The following PCDHA6 variants were observed in gnomAD, a reference collection of about 807,000 sequenced individuals.
PCDHA6 encodes the protein protocadherin alpha-6.
A neutral mutation model predicts 60.3 loss-of-function variants in PCDHA6; 55 were observed. That is an observed-to-expected ratio of 0.91 (90% CI 0.73 to 1.14). PCDHA6 has a LOEUF of 1.14. Ranked by LOEUF, PCDHA6 falls within the 50% of genes most tolerant of loss-of-function variation. PCDHA6 has a pLI of 0.00. For synonymous variants in PCDHA6, 652 were observed against 557.9 expected, an observed-to-expected ratio of 1.17 and a Z score of -2.38; for missense variants, 1,327 against 1,256.5, an observed-to-expected ratio of 1.06 and a Z score of -0.85.
At chr5:140,905,234 C>T (rs1303215169) in intron 1 of PCDHA6, among the ~76,000 whole-genome samples, 1 of 152,144 alleles carries the variant, frequency 6.6e-6, no homozygotes, top group African/African-American at 2.4e-5. Flanking sequence ...GATGAGGATC[C>T]AGTTTCATTC....
At chr5:140,917,330 A>G (rs155802) in intron 1 of PCDHA6, among the ~76,000 whole-genome samples, 15,235 of 96,446 alleles carry the variant, frequency 0.16, 1,247 homozygotes, top group East Asian at 0.38. Context: ...GTGGCGGGGG[A>G]GGGGGGGGAT....
chr5:140,833,109 T>G (rs1772297306), intron 1 of PCDHA6, among the ~76,000 whole-genome samples: 1 of 152,208 alleles, frequency 6.6e-6, no homozygotes, highest in Non-Finnish European at 1.5e-5. Context: ...TTTGACACTC[T>G]TCAAAGTCAT....
intron 1 of PCDHA6, among the ~76,000 whole-genome samples, chr5:140,945,881 A>C (rs1334626828): frequency 6.6e-6 from 1 of 152,158 alleles, no homozygotes; most frequent in African/African-American, 2.4e-5. Flanking sequence ...AAAACTAACA[A>C]AGAAAACACA....
intron 1 of PCDHA6, chr5:140,857,129 G>A: frequency 6.3e-7 from 1 of 1,598,280 alleles, no homozygotes; most frequent in Non-Finnish European, 8.6e-7. Context: ...AGTGAAAGAA[G>A]ATGCTCAAGT....
At chr5:140,963,608 G>A (rs1308315109) in intron 1 of PCDHA6, among the ~76,000 whole-genome samples, 2 of 152,186 alleles carry the variant, frequency 1.3e-5, no homozygotes, top group African/African-American at 2.4e-5. Context: ...ACGTAATTGG[G>A]AAAGCTTAAC....
chr5:140,848,925 G>T lies in PCDHA6; in HGVS notation c.2394+18440G>T, dbSNP rs2150425144. ...GACACAAAAGAATCTGTTCATCGCGGAATCCAGGCCGCTTGACTCTCGGTT... is the reference window on the plus strand; with the variant it reads ...GACACAAAAGAATCTGTTCATCGCGTAATCCAGGCCGCTTGACTCTCGGTT... On this transcript the variant is annotated intron_variant, in intron 1 of 3. Transcript: ENST00000529310. 12 of 1,607,696 alleles carry T rather than the reference G, an allele frequency of 7.5e-6. 1 individual carries two copies. The highest frequency in any genetic ancestry group is 1.0e-5 in the Non-Finnish European group (12 of 1,176,962).
intron 3 of PCDHA6, among the ~76,000 whole-genome samples, chr5:140,996,055 C>A (rs1289526573): frequency 6.6e-6 from 1 of 152,164 alleles, no homozygotes; most frequent in Non-Finnish European, 1.5e-5. Flanking sequence ...GTGCTTGGCA[C>A]ACAGTAAAGA....
At chr5:140,928,878 G>A (rs1563110550) in intron 1 of PCDHA6, 6 of 1,614,194 alleles carry the variant, frequency 3.7e-6, no homozygotes, top group Non-Finnish European at 4.2e-6. Flanking sequence ...CTGTCCCTCA[G>A]TTACTTCCAG....
At chr5:140,993,668 A>G (rs551356894) in intron 3 of PCDHA6, among the ~76,000 whole-genome samples, 167 of 152,322 alleles carry the variant, frequency 1.1e-3, no homozygotes, top group African/African-American at 3.4e-3. Context: ...ACAATGGACC[A>G]CATATGTGAC....
chr5:140,831,992 C>T (rs2150198837), intron 1 of PCDHA6, among the ~76,000 whole-genome samples: 4 of 152,222 alleles, frequency 2.6e-5, no homozygotes, highest in African/African-American at 7.2e-5. Flanking sequence ...ATTACGGATT[C>T]CATATTGTTT....
chr5:140,828,109 G>C lies in PCDHA6; in HGVS notation c.18G>C (p.Glu6Asp). 2 of 1,611,506 alleles carry C rather than the reference G, an allele frequency of 1.2e-6. No individual in the cohort carries two copies. Among genetic ancestry groups the C allele is most frequent in the East Asian group, 4.5e-5 (2 of 44,860 alleles). Residue 6 changes from glutamate (E) to aspartate (D), a missense_variant, in exon 1 of 4, where the codon GAG becomes GAC. Physicochemically the swap from Glu to Asp is conservative, Grantham distance 45 (BLOSUM62 2). Transcript: ENST00000529310. MVFTP[E>D]DRLGKQCLLL... ...TATTTGACATGGTGTTTACCCCGGA[G>C]GATAGATTGGGAAAGCAATGTCTGC...
intron 1 of PCDHA6, among the ~76,000 whole-genome samples, chr5:140,970,367 TA>T (rs1554232416): frequency 6.6e-6 from 1 of 152,216 alleles, no homozygotes; most frequent in Non-Finnish European, 1.5e-5. Flanking sequence ...TGATTTGCTA[TA>T]GCTTCAAAAG....
At chr5:140,972,480 C>A (rs558245112) in intron 1 of PCDHA6, among the ~76,000 whole-genome samples, 2 of 151,890 alleles carry the variant, frequency 1.3e-5, no homozygotes, top group East Asian at 3.9e-4. Context: ...AGCATTTAAC[C>A]CCAGACTCTA....
intron 1 of PCDHA6, chr5:140,969,045 C>G: frequency 1.2e-6 from 2 of 1,614,090 alleles, no homozygotes. Flanking sequence ...TACAAACAAG[C>G]CAACAACAAT....
chr5:140,991,844 C>T (rs892318388), intron 3 of PCDHA6, among the ~76,000 whole-genome samples: 2 of 152,334 alleles, frequency 1.3e-5, no homozygotes, highest in Middle Eastern at 6.8e-3. Flanking sequence ...AACCGCACTT[C>T]CAGATACCAA....
At chr5:140,886,084 G>A (rs1554182347) in intron 1 of PCDHA6, among the ~76,000 whole-genome samples, 1 of 152,140 alleles carries the variant, frequency 6.6e-6, no homozygotes, top group Non-Finnish European at 1.5e-5. Context: ...CCACAACCTG[G>A]ATATTGACAT....
At chr5:140,876,684 C>T (rs973560970) in intron 1 of PCDHA6, 29 of 1,614,110 alleles carry the variant, frequency 1.8e-5, no homozygotes, top group Admixed American at 3.3e-5. Flanking sequence ...ACAAGAATTA[C>T]TACTCGTTGG....
At chr5:140,863,208 C>T in intron 1 of PCDHA6, 2 of 990,676 alleles carry the variant, frequency 2.0e-6, no homozygotes, top group Non-Finnish European at 3.1e-6. Context: ...TGGCGGAGAG[C>T]AGCCAAGCGA....
Position 140,849,815 on chromosome 5 carries a change from G to A in PCDHA6, c.2394+19330G>A, listed in dbSNP as rs2150451415. On this transcript the variant is annotated intron_variant, in intron 1 of 3. Transcript: ENST00000529310. ...CGCCTTCACTGTGGGCCACGGCCAGGGTGTCTGTGGAGGTGGCCGACGTGA... is the reference window on the plus strand; with the variant it reads ...CGCCTTCACTGTGGGCCACGGCCAGAGTGTCTGTGGAGGTGGCCGACGTGA... 1.8e-4 allele frequency: 280 copies of A among 1,598,402 alleles called. 16 individuals carry two copies. In the South Asian group the frequency reaches 3.0e-3, roughly 17 times the overall value.
Sources: gnomAD v4.1 joint callset for allele counts (sites outside exome capture counted in the v4.1 genomes callset) on GRCh38, gnomAD v4.1.1 for gene constraint, MANE v1.5 for transcripts, NCBI Gene and HGNC (gene_info 2026-07-23, HGNC 2026-07-21) for gene names.